CPQ: variants seen among roughly 807,000 people sequenced by gnomAD.
CPQ encodes carboxypeptidase Q, also known as Ser-Met dipeptidase.
CPQ carries 37 observed loss-of-function variants against 45.7 expected under a neutral mutation model. That is an observed-to-expected ratio of 0.81 (90% CI 0.62 to 1.07). CPQ has a LOEUF of 1.07. Among genes scored for constraint, CPQ ranks in the 50% least tolerant of loss-of-function variants. The pLI is 0.00. For synonymous variants in CPQ, 186 were observed against 205.8 expected (o/e 0.90, Z 0.82); for missense variants, 537 against 572.9 (o/e 0.94, Z 0.64).
intron 4 of CPQ, among the ~76,000 whole-genome samples, chr8:96,880,789 G>A (rs984723326): frequency 5.9e-5 from 9 of 151,822 alleles, no homozygotes; most frequent in Admixed American, 2.0e-4. Context: ...GGGAGGGAGA[G>A]AGGGAAGCAA....
chr8:97,008,042 C>T (rs923666025), intron 5 of CPQ, among the ~76,000 whole-genome samples: 1 of 152,074 alleles, frequency 6.6e-6, no homozygotes, highest in Admixed American at 6.6e-5. Flanking sequence ...AGCCCTTGAA[C>T]ATTATGTGTG....
At chr8:96,943,555 A>G (rs1014079510) in intron 4 of CPQ, among the ~76,000 whole-genome samples, 1 of 152,186 alleles carries the variant, frequency 6.6e-6, no homozygotes, top group Non-Finnish European at 1.5e-5. Flanking sequence ...GGCACAGGGA[A>G]GCTAAGTAAC....
intron 3 of CPQ, among the ~76,000 whole-genome samples, chr8:96,877,262 A>G (rs914212170): frequency 7.2e-5 from 11 of 152,180 alleles, no homozygotes; most frequent in Admixed American, 4.6e-4. Flanking sequence ...AACAAATTCA[A>G]AGGTTTTTAT....
rs1563587090 is a variant in CPQ at position 97,123,052 on chromosome 8, TA to T, written c.1256-19964del. ...ATAAAATAAAATAAAATAAATAAAATAAAATAAAATAAAAAAAATAAAATAA... is the reference window on the plus strand; with the variant it reads ...ATAAAATAAAATAAAATAAATAAAATAAATAAAATAAAAAAAATAAAATAA... On this transcript the variant is annotated intron_variant, in intron 7 of 7. Coordinates refer to ENST00000220763, the MANE Select transcript of CPQ (RefSeq NM_016134.4). Among the ~76,000 whole-genome samples, 201 of 36,796 alleles carry T rather than the reference TA, an allele frequency of 5.5e-3. 22 individuals carry two copies. The highest frequency in any genetic ancestry group is 9.1e-3 in the Non-Finnish European group (157 of 17,224). The allele number at this position is 36,796 out of a possible 152,430, so 24.1% of individuals were successfully genotyped here.
intron 7 of CPQ, among the ~76,000 whole-genome samples, chr8:97,122,677 G>A (rs1811726498): frequency 6.6e-6 from 1 of 151,728 alleles, no homozygotes. Context: ...TTGAGGTCCG[G>A]AGTTTGAGAA....
intron 4 of CPQ, among the ~76,000 whole-genome samples, chr8:96,911,149 C>A (rs1460861099): frequency 3.3e-5 from 5 of 152,024 alleles, no homozygotes; most frequent in South Asian, 2.1e-4. Context: ...AGAAGGTTCC[C>A]CTGGGTAAGT....
intron 4 of CPQ, among the ~76,000 whole-genome samples, chr8:96,880,445 T>C (rs944341964): frequency 6.7e-6 from 1 of 148,700 alleles, no homozygotes; most frequent in South Asian, 2.1e-4. Context: ...GCAGCACTAT[T>C]CACAATAGCA....
At chr8:96,744,083 C>T (rs1810137965) in intron 1 of CPQ, among the ~76,000 whole-genome samples, 1 of 152,250 alleles carries the variant, frequency 6.6e-6, no homozygotes, top group African/African-American at 2.4e-5. Context: ...GCCTCACTGC[C>T]ACCTTGCAGT....
intron 7 of CPQ, among the ~76,000 whole-genome samples, chr8:97,140,363 T>G (rs1812138140): frequency 7.3e-6 from 1 of 137,808 alleles, no homozygotes. Context: ...TATCCCAGAA[T>G]GTATAAAAAA....
chr8:97,034,738 C>T (rs1809966940), intron 6 of CPQ, among the ~76,000 whole-genome samples: 1 of 152,136 alleles, frequency 6.6e-6, no homozygotes, highest in Non-Finnish European at 1.5e-5. Context: ...AACTACTATG[C>T]TCCTTTGTAA....
chr8:96,740,849 G>A (rs1293096859), intron 1 of CPQ, among the ~76,000 whole-genome samples: 1 of 152,176 alleles, frequency 6.6e-6, no homozygotes, highest in Non-Finnish European at 1.5e-5. Flanking sequence ...TTGAGGTGCT[G>A]CTGGATTCGG....
chr8:97,026,048 CTG>C (rs997190908), intron 5 of CPQ, among the ~76,000 whole-genome samples: 1 of 152,130 alleles, frequency 6.6e-6, no homozygotes, highest in Non-Finnish European at 1.5e-5. Context: ...TAGATAAAAT[CTG>C]TGTTTTCCCT....
At chr8:96,837,501 C>G (rs1811545589) in intron 3 of CPQ, among the ~76,000 whole-genome samples, 1 of 152,272 alleles carries the variant, frequency 6.6e-6, no homozygotes, top group South Asian at 2.1e-4. Context: ...TGTTTTCTCT[C>G]TCTTTCTTGC....
At chr8:96,859,387 A>G (rs1811899027) in intron 3 of CPQ, among the ~76,000 whole-genome samples, 1 of 152,264 alleles carries the variant, frequency 6.6e-6, no homozygotes, top group Non-Finnish European at 1.5e-5. Flanking sequence ...TCTGTGTTCA[A>G]GTCTCCTCAA....
chr8:97,079,704 C>T (rs1810913739), intron 7 of CPQ, among the ~76,000 whole-genome samples: 1 of 151,978 alleles, frequency 6.6e-6, no homozygotes, highest in Non-Finnish European at 1.5e-5. Context: ...TATTAAACTG[C>T]CGGGGCCTCA....
chr8:96,792,959 G>A (rs1810869536), intron 2 of CPQ, among the ~76,000 whole-genome samples: 1 of 152,018 alleles, frequency 6.6e-6, no homozygotes, highest in African/African-American at 2.4e-5. Context: ...CAAGCGAAGG[G>A]GAAAGATGGT....
Position 97,090,732 on chromosome 8 carries a change from T to A in CPQ, c.1255+24522T>A, listed in dbSNP as rs115108743. Reference sequence around the variant, plus strand: ...AATAATGAGTCAGTGTGTGAGTGCCTCTGTGTAAGACCTCATTTAAGAGCA... The same window carrying A: ...AATAATGAGTCAGTGTGTGAGTGCCACTGTGTAAGACCTCATTTAAGAGCA... On this transcript the variant is annotated intron_variant, in intron 7 of 7. Transcript: ENST00000220763. 2.9e-3 allele frequency among the ~76,000 whole-genome samples: 434 copies of A among 152,262 alleles called. 2 individuals are homozygous for A. Among genetic ancestry groups the A allele is most frequent in the African/African-American group, 9.9e-3 (411 of 41,540 alleles).
chr8:96,825,596 C>T (rs1811369566), intron 2 of CPQ, among the ~76,000 whole-genome samples: 1 of 152,042 alleles, frequency 6.6e-6, no homozygotes, highest in Non-Finnish European at 1.5e-5. Context: ...AATGAACTTT[C>T]ATAAAATGAA....
intron 2 of CPQ, among the ~76,000 whole-genome samples, chr8:96,820,737 G>A (rs1017615876): frequency 8.6e-5 from 13 of 152,046 alleles, no homozygotes; most frequent in East Asian, 1.9e-4. Context: ...GCTTGATTCC[G>A]TATTTTCACT....
Sources: allele counts gnomAD v4.1 joint callset (sites outside exome capture counted in the v4.1 genomes callset), GRCh38; gene constraint gnomAD v4.1.1; transcripts MANE v1.5; gene names NCBI Gene and HGNC (gene_info 2026-07-23, HGNC 2026-07-21).